The following ZNF516 variants were observed in gnomAD, a reference collection of about 807,000 sequenced individuals.
ZNF516 encodes zinc finger protein 516.
A neutral mutation model predicts 79.7 loss-of-function variants in ZNF516; 19 were observed. The ratio of observed to expected loss-of-function variants is 0.24; its 90% confidence interval spans 0.17 to 0.35. The LOEUF is 0.35. Ranked by LOEUF, ZNF516 falls within the 10% of genes least tolerant of loss-of-function variation. The probability of loss-of-function intolerance (pLI) is 1.00; values close to 1 mark genes in which losing one functional copy is unlikely to be tolerated. For missense variants in ZNF516, 1,678 were observed against 1,679.5 expected, an observed-to-expected ratio of 1.00 and a Z score of 0.02; for synonymous variants, 877 against 739.5, an observed-to-expected ratio of 1.19 and a Z score of -3.02.
intron 3 of ZNF516, among the ~76,000 whole-genome samples, chr18:76,427,911 C>T (rs866604315): frequency 9.2e-5 from 14 of 152,122 alleles, no homozygotes; most frequent in South Asian, 4.1e-4. Flanking sequence ...AAAAATATAC[C>T]ACTTTTTTTG....
intron 3 of ZNF516, among the ~76,000 whole-genome samples, chr18:76,389,673 G>A (rs1267308193): frequency 6.6e-6 from 1 of 152,174 alleles, no homozygotes; most frequent in Non-Finnish European, 1.5e-5. Context: ...TTGTGACTTA[G>A]TTGATTTTTG....
intron 3 of ZNF516, 87 bp from the exon 4 acceptor site, chr18:76,380,390 C>T: frequency 2.7e-6 from 4 of 1,508,356 alleles, no homozygotes; most frequent in Non-Finnish European, 2.7e-6. Context: ...ACAGCATGTT[C>T]CAAGCCATCT....
At chr18:76,429,630 C>A (rs771923116) in intron 3 of ZNF516, among the ~76,000 whole-genome samples, 2 of 152,306 alleles carry the variant, frequency 1.3e-5, no homozygotes, top group African/African-American at 4.8e-5. Flanking sequence ...TCCAGACACG[C>A]CCTGCTGGGC....
intron 3 of ZNF516, among the ~76,000 whole-genome samples, chr18:76,380,979 C>T (rs2074882675): frequency 6.6e-6 from 1 of 152,248 alleles, no homozygotes; most frequent in Non-Finnish European, 1.5e-5. Context: ...CTCCATGCCG[C>T]CACCTGCCGG....
intron 3 of ZNF516, among the ~76,000 whole-genome samples, chr18:76,403,781 AT>A (rs1296799617): frequency 6.6e-6 from 1 of 152,204 alleles, no homozygotes; most frequent in Non-Finnish European, 1.5e-5. Flanking sequence ...ACCTTCTCCT[AT>A]TGACAGATTT....
intron 4 of ZNF516, among the ~76,000 whole-genome samples, chr18:76,373,668 C>T (rs748782597): frequency 6.6e-6 from 1 of 152,232 alleles, no homozygotes; most frequent in African/African-American, 2.4e-5. Flanking sequence ...GATAGCCCTC[C>T]CACTCATCCG....
chr18:76,447,666 G>A (rs1018282428), intron 2 of ZNF516, among the ~76,000 whole-genome samples: 35 of 152,172 alleles, frequency 2.3e-4, no homozygotes, highest in Non-Finnish European at 4.4e-4. Flanking sequence ...GCAATATGGC[G>A]CCCACGCACC....
In ZNF516 at chr18:76,380,144, C is replaced by T. The variant is rs771678433; in HGVS notation, c.1970G>A (p.Ser657Asn). 6.2e-7 allele frequency: 1 copy of T among 1,613,810 alleles called. No individual in the cohort carries two copies. Among genetic ancestry groups the T allele is most frequent in the African/African-American group, 1.3e-5 (1 of 74,882 alleles). The change falls in exon 4 of 7, where the codon AGC becomes AAC. Residue 657 changes from serine (S) to asparagine (N), a missense_variant. Coordinates refer to ENST00000443185, the MANE Select transcript of ZNF516 (RefSeq NM_014643.4). Reference protein sequence around the residue: ...AASVSILENSSRETSRRQEQH... With the variant: ...AASVSILENSNRETSRRQEQH... Reference sequence around the variant, plus strand: ...CTCTTGCCTTCTAGAAGTCTCTCTGCTACTGTTTTCAAGTATGGACACAGA... The same window carrying T: ...CTCTTGCCTTCTAGAAGTCTCTCTGTTACTGTTTTCAAGTATGGACACAGA...
intron 3 of ZNF516, among the ~76,000 whole-genome samples, chr18:76,417,935 A>C (rs545238537): frequency 1.1e-4 from 16 of 152,248 alleles, no homozygotes; most frequent in Non-Finnish European, 1.0e-4. Context: ...TCTCGGCCAG[A>C]GGGTCAAGTA....
At chr18:76,455,398 G>A (rs546423305) in intron 2 of ZNF516, among the ~76,000 whole-genome samples, 7 of 152,174 alleles carry the variant, frequency 4.6e-5, no homozygotes, top group Admixed American at 3.9e-4. Flanking sequence ...CCTTTTCTCT[G>A]ATTTGTCCAA....
chr18:76,400,770 AAATATT>A (rs2075208425), intron 3 of ZNF516, among the ~76,000 whole-genome samples: 1 of 152,222 alleles, frequency 6.6e-6, no homozygotes, highest in Admixed American at 6.5e-5. Context: ...TATGTAATAT[AAATATT>A]GAGTCTCAGA....
At chr18:76,403,706 T>C (rs778080069) in intron 3 of ZNF516, among the ~76,000 whole-genome samples, 1 of 152,162 alleles carries the variant, frequency 6.6e-6, no homozygotes, top group African/African-American at 2.4e-5. Context: ...ATCCAATCTA[T>C]ATCCTTAATA....
intron 2 of ZNF516, among the ~76,000 whole-genome samples, chr18:76,458,639 G>A (rs1912883627): frequency 7.1e-6 from 1 of 141,480 alleles, no homozygotes; most frequent in Non-Finnish European, 1.6e-5. Flanking sequence ...GCGTGTGCAT[G>A]CCTCACCGTC....
chr18:76,376,193 G>T (rs546869701), intron 4 of ZNF516, among the ~76,000 whole-genome samples: 1 of 152,328 alleles, frequency 6.6e-6, no homozygotes, highest in South Asian at 2.1e-4. Flanking sequence ...AGGGGCCCAG[G>T]AGGTGCCGAG....
At chr18:76,495,768 A>G, upstream of ZNF516, 8 of 1,148,552 alleles carry the variant, frequency 7.0e-6, no homozygotes, top group Non-Finnish European at 7.6e-6. Flanking sequence ...AAATGGGGAC[A>G]CCCCTTCGGG....
chr18:76,458,871 T>G (rs1251331601), intron 2 of ZNF516, among the ~76,000 whole-genome samples: 3 of 148,352 alleles, frequency 2.0e-5, no homozygotes, highest in Admixed American at 6.7e-5. Flanking sequence ...ATGCCAGGCC[T>G]CACCGTCGTG....
rs369168374 is a variant in ZNF516, at chr18:76,454,782, A to C, written c.-158+8246T>G. On this transcript the variant is annotated intron_variant, in intron 2 of 6. Coordinates refer to ENST00000443185, the MANE Select transcript of ZNF516 (RefSeq NM_014643.4). ...ATTCTTTCCTTGCAGGAAACAAAAA[A>C]GGATAAACAAGCAAAATTCCACTAC... Among the ~76,000 whole-genome samples, 7 of 152,238 alleles carry C rather than the reference A, an allele frequency of 4.6e-5. No individual in the cohort carries two copies. The East Asian group carries it at 9.6e-4, about 21-fold the overall frequency.
intron 3 of ZNF516, among the ~76,000 whole-genome samples, chr18:76,411,633 C>T (rs11665018): frequency 0.27 from 41,760 of 152,128 alleles, 7,064 homozygotes; most frequent in East Asian, 0.45. Context: ...CCACAAAAAA[C>T]TTCTGAAACA....
intron 2 of ZNF516, among the ~76,000 whole-genome samples, chr18:76,452,930 A>T (rs533772382): frequency 6.6e-6 from 1 of 152,326 alleles, no homozygotes; most frequent in South Asian, 2.1e-4. Context: ...ACTTTTTAAT[A>T]AAGGAGTGTC....
Sources: allele counts gnomAD v4.1 joint callset (sites outside exome capture counted in the v4.1 genomes callset), GRCh38; gene constraint gnomAD v4.1.1; transcripts MANE v1.5; gene names NCBI Gene and HGNC (gene_info 2026-07-23, HGNC 2026-07-21).